KDF1: variants seen among roughly 807,000 people sequenced by gnomAD.
KDF1 encodes the protein RP11-344H11.3.
In KDF1, 11 loss-of-function variants were observed where a neutral mutation model predicts 31.6. The observed-to-expected ratio is 0.35, with a 90% CI of 0.22 to 0.58. The LOEUF is 0.58. KDF1 is among the 20% of genes least tolerant of loss of function. KDF1 has a pLI of 0.83. For missense variants in KDF1, 476 were observed against 549.1 expected, an observed-to-expected ratio of 0.87 and a Z score of 1.33; for synonymous variants, 205 against 214.4, an observed-to-expected ratio of 0.96 and a Z score of 0.38.
rs796770056 is a variant in KDF1, at chr1:26,952,983, CAA to C, written c.-32-573_-32-572del. 4.4e-5 allele frequency among the ~76,000 whole-genome samples: 5 copies of C among 113,000 alleles called. No individual in the cohort carries two copies. The highest frequency in any genetic ancestry group is 1.9e-5 in the Non-Finnish European group (1 of 52,876). The allele number at this position is 113,000 out of a possible 152,430, so 74.1% of individuals were successfully genotyped here. A position where few individuals can be genotyped will look rare whatever the true frequency, so the allele number is the denominator to read the frequency against. ...TGGGCAACAGGGCGAGACTGTGTCTCAAAAAAAAAAAAGAAAGAAAAAGAAAA... is the reference window on the plus strand; with the variant it reads ...TGGGCAACAGGGCGAGACTGTGTCTCAAAAAAAAAAGAAAGAAAAAGAAAA... On this transcript the variant is annotated intron_variant, in intron 1 of 3. Coordinates refer to ENST00000320567, the MANE Select transcript of KDF1 (RefSeq NM_152365.3). The surrounding 1 kb of genome is among the most constrained non-coding windows in gnomAD (Gnocchi z 4.1).
chr1:26,950,221 G>A lies in KDF1; in HGVS notation c.1115-70C>T, dbSNP rs967145139. ...AGCTCATCCAGATCCCATGACCAGG[G>A]AGAAGCCTGCTGAGAAGGAGCAGAG... is the stretch of plus-strand genomic sequence containing the variant. On this transcript the variant is annotated intron_variant, in intron 3 of 3. Transcript: ENST00000320567. This position sits in a 1 kb window ranked among gnomAD's most constrained non-coding sequence, Gnocchi z 4.0. 32 of 1,419,122 alleles carry A rather than the reference G, an allele frequency of 2.3e-5. No individual in the cohort carries two copies. The highest frequency in any genetic ancestry group is 3.2e-5 in the Non-Finnish European group (32 of 1,004,936). 87.9% of individuals were successfully genotyped at this position (1,419,122 alleles called of 1,614,324 possible).
intron 1 of KDF1, among the ~76,000 whole-genome samples, chr1:26,957,955 C>G (rs1355866774): frequency 6.6e-6 from 1 of 151,586 alleles, no homozygotes; most frequent in Non-Finnish European, 1.5e-5. Context: ...GCTGGAATTA[C>G]AGGTGCATGC....
At chr1:26,957,811 TTTATTA>T (rs150201940) in intron 1 of KDF1, among the ~76,000 whole-genome samples, 15 of 151,610 alleles carry the variant, frequency 9.9e-5, no homozygotes, top group East Asian at 3.9e-4. Flanking sequence ...ACATGCTGGA[TTTATTA>T]TTATTATTAT....
At chr1:26,954,371 G>A (rs923708957) in intron 1 of KDF1, among the ~76,000 whole-genome samples, 20 of 151,866 alleles carry the variant, frequency 1.3e-4, no homozygotes, top group African/African-American at 3.4e-4. Context: ...TTACAGGCAC[G>A]TGCCACCACG....
Position 26,951,862 on chromosome 1 carries a change from G to A in KDF1, c.519C>T (p.Pro173=). 2.5e-6 allele frequency: 4 copies of A among 1,613,612 alleles called. No homozygotes were observed. In the South Asian group the frequency reaches 3.3e-5, roughly 13 times the overall value. The part of the protein sequence containing the change: ...DVKLKGIPVY[P]YPRATSPAPD... ...GGGCTGGGGAGGTGGCCCTCGGGTA[G>A]GGATACACAGGGATGCCTTTGAGCT... is the stretch of plus-strand genomic sequence containing the variant. Residue 173 remains proline, a synonymous_variant, in exon 2 of 4, where the codon CCC becomes CCT. Coordinates refer to ENST00000320567, the MANE Select transcript of KDF1 (RefSeq NM_152365.3). This position sits in a 1 kb window ranked among gnomAD's most constrained non-coding sequence, Gnocchi z 5.4.
rs753712013 is a variant in KDF1, at chr1:26,952,019, C to A, written c.362G>T (p.Gly121Val). ...PCLSTEDSTE[G>V]TAEANWAKEH... The stretch of plus-strand genomic sequence containing the variant: ...CTTGGCCCAGTTGGCTTCAGCAGTC[C>A]CCTCAGTGGAGTCCTCAGTAGACAG... The change falls in exon 2 of 4, where the codon GGG becomes GTG. Residue 121 changes from glycine (G) to valine (V), a missense_variant. Physicochemically the swap from Gly to Val is moderately radical, Grantham distance 109 (BLOSUM62 -3). Transcript: ENST00000320567. The surrounding 1 kb of genome is among the most constrained non-coding windows in gnomAD (Gnocchi z 4.1). 1.9e-6 allele frequency: 3 copies of A among 1,613,152 alleles called. No homozygotes were observed. The highest frequency in any genetic ancestry group is 2.5e-6 in the Non-Finnish European group (3 of 1,179,576).
At chr1:26,956,579 C>T (rs993237318) in intron 1 of KDF1, among the ~76,000 whole-genome samples, 27 of 152,052 alleles carry the variant, frequency 1.8e-4, no homozygotes, top group African/African-American at 5.8e-4. Flanking sequence ...TAGACAAGCC[C>T]AAGTTGAGAA....
intron 1 of KDF1, among the ~76,000 whole-genome samples, chr1:26,958,744 G>C (rs776045425): frequency 4.6e-5 from 7 of 152,204 alleles, no homozygotes; most frequent in Non-Finnish European, 7.3e-5. Context: ...AAAGCTGCCA[G>C]CTCCATGGAC....
In KDF1 at chr1:26,951,897, G is replaced by C; in HGVS notation, c.484C>G (p.Pro162Ala). 6.2e-7 allele frequency: 1 copy of C among 1,609,156 alleles called. No homozygotes were observed. Among genetic ancestry groups the C allele is most frequent in the Non-Finnish European group, 8.5e-7 (1 of 1,176,718 alleles). The stretch of plus-strand genomic sequence containing the variant: ...GGGATGCCTTTGAGCTTAACATCGG[G>C]GTAGCTGAAGCTGCTGCCCATGGTT... ...KSTMGSSFSY[P>A]DVKLKGIPVY... Residue 162 changes from proline (P) to alanine (A), a missense_variant, in exon 2 of 4, where the codon CCC becomes GCC. Physicochemically the swap from Pro to Ala is conservative, Grantham distance 27. Coordinates refer to ENST00000320567, the MANE Select transcript of KDF1 (RefSeq NM_152365.3). This position sits in a 1 kb window ranked among gnomAD's most constrained non-coding sequence, Gnocchi z 5.4.
chr1:26,955,006 C>T (rs1225836720), intron 1 of KDF1, among the ~76,000 whole-genome samples: 2 of 151,532 alleles, frequency 1.3e-5, no homozygotes, highest in South Asian at 2.1e-4. Context: ...TACAGACGTC[C>T]GCTACCACGC....
intron 1 of KDF1, among the ~76,000 whole-genome samples, chr1:26,958,285 G>A (rs978363012): frequency 4.0e-5 from 6 of 151,428 alleles, no homozygotes; most frequent in Admixed American, 6.6e-5. Context: ...CTACAGGCGC[G>A]TGCCACGCCT....
At chr1:26,955,295 T>C (rs1225916949) in intron 1 of KDF1, among the ~76,000 whole-genome samples, 1 of 152,246 alleles carries the variant, frequency 6.6e-6, no homozygotes, top group Non-Finnish European at 1.5e-5. Flanking sequence ...AACAAATGCC[T>C]TTCCATAAGA....
intron 1 of KDF1, among the ~76,000 whole-genome samples, chr1:26,955,727 C>T (rs781557690): frequency 4.6e-5 from 7 of 152,250 alleles, no homozygotes; most frequent in East Asian, 3.9e-4. Context: ...GAGGCTGAGG[C>T]GGGTGGATCA....
Position 26,952,094 on chromosome 1 carries a change from C to A in KDF1, c.287G>T (p.Arg96Leu). 1 of 1,613,252 alleles carries A rather than the reference C, an allele frequency of 6.2e-7. No homozygotes were observed. Among genetic ancestry groups the A allele is most frequent in the Non-Finnish European group, 8.5e-7 (1 of 1,179,890 alleles). Residue 96 changes from arginine to leucine, a missense_variant, in exon 2 of 4, where the codon CGG becomes CTG. Arg to Leu is a moderately radical substitution (Grantham distance 102, BLOSUM62 -2). This residue lies in a region of KDF1 where 330 missense variants were observed against 332.3 expected (regional missense o/e 0.99). Transcript: ENST00000320567. The surrounding 1 kb of genome is among the most constrained non-coding windows in gnomAD (Gnocchi z 4.1). ...CRAAFCFRRC[R>L]DCLQRCGACV... Reference sequence around the variant, plus strand: ...GGCTCCACAGCGCTGGAGGCAATCCCGGCAGCGGCGGAAGCAGAAGGCAGC... The same window carrying A: ...GGCTCCACAGCGCTGGAGGCAATCCAGGCAGCGGCGGAAGCAGAAGGCAGC...
chr1:26,958,720 G>A (rs2082388051), intron 1 of KDF1, among the ~76,000 whole-genome samples: 1 of 152,216 alleles, frequency 6.6e-6, no homozygotes, highest in South Asian at 2.1e-4. Flanking sequence ...TTACTTGGGA[G>A]AAAAGAGGCA....
In KDF1 at chr1:26,951,260, G is replaced by A; in HGVS notation, c.1039+82C>T. The A allele has an allele frequency of 7.5e-7, 1 of 1,338,576 alleles. No homozygotes were observed. The highest frequency in any genetic ancestry group is 1.5e-5 in the South Asian group (1 of 65,714). 82.9% of individuals were successfully genotyped at this position (1,338,576 alleles called of 1,614,324 possible). A position where few individuals can be genotyped will look rare whatever the true frequency, so the allele number is the denominator to read the frequency against. On this transcript the variant is annotated intron_variant, in intron 2 of 3. Coordinates refer to ENST00000320567, the MANE Select transcript of KDF1 (RefSeq NM_152365.3). This position sits in a 1 kb window ranked among gnomAD's most constrained non-coding sequence, Gnocchi z 5.4. ...GGACTGGCTGAGGGGTAGACCCACA[G>A]TGACTAAAGACCCCATTCCAACCCT...
At position 26,950,065 on chromosome 1, in the gene KDF1, G is replaced by T; in HGVS notation, c.*4C>A. The T allele has an allele frequency of 2.5e-6, 4 of 1,613,032 alleles. No individual in the cohort carries two copies. Among genetic ancestry groups the T allele is most frequent in the Non-Finnish European group, 3.4e-6 (4 of 1,179,120 alleles). On this transcript the variant is annotated 3_prime_UTR_variant, in exon 4 of 4. Transcript: ENST00000320567. The surrounding 1 kb of genome is among the most constrained non-coding windows in gnomAD (Gnocchi z 4.0). Reference sequence around the variant, plus strand: ...AAGGGTGTGGCAGCTGGGCCTGGCAGGGGTTAGCAGTACACCTGGAGCAAG... The same window carrying T: ...AAGGGTGTGGCAGCTGGGCCTGGCATGGGTTAGCAGTACACCTGGAGCAAG...
intron 1 of KDF1, among the ~76,000 whole-genome samples, chr1:26,953,954 CAAA>C (rs77055790): frequency 1.3e-4 from 11 of 81,564 alleles, no homozygotes; most frequent in African/African-American, 1.8e-4. Context: ...GACCCTGTCT[CAAA>C]AAAAAAAAAA....
In KDF1 at chr1:26,950,115, G is replaced by T; in HGVS notation, c.1151C>A (p.Thr384Asn). The T allele has an allele frequency of 6.8e-6, 11 of 1,613,990 alleles. No homozygotes were observed. Among genetic ancestry groups the T allele is most frequent in the Non-Finnish European group, 9.3e-6 (11 of 1,179,908 alleles). Residue 384 changes from threonine (T) to asparagine (N), a missense_variant, in exon 4 of 4, where the codon ACC becomes AAC. Around this residue, in one of 2 missense-constraint regions of KDF1, gnomAD observed 146 missense variants for 216.8 expected, o/e 0.67. Coordinates refer to ENST00000320567, the MANE Select transcript of KDF1 (RefSeq NM_152365.3). The surrounding 1 kb of genome is among the most constrained non-coding windows in gnomAD (Gnocchi z 4.0). ...GGGTGCCCCCGACGAGTCTGTGTCG[G>T]TGCCCTGGAAGGATGAGTCATGGCT... ...PASHDSSFQG[T>N]DTDSSGAPLL...
Sources: allele counts gnomAD v4.1 joint callset (sites outside exome capture counted in the v4.1 genomes callset), GRCh38; gene constraint gnomAD v4.1.1; regional missense constraint gnomAD v4.1.1; non-coding constraint Gnocchi (gnomAD v3.1); transcripts MANE v1.5; gene names NCBI Gene and HGNC (gene_info 2026-07-23, HGNC 2026-07-21).